Variants in CORO2A observed in about 807,000 individuals in gnomAD.
CORO2A encodes coronin-2A.
Under a neutral mutation model 62.4 loss-of-function variants are expected in CORO2A, and 47 were observed. The observed-to-expected ratio is 0.75, with a 90% CI of 0.60 to 0.96. The LOEUF (loss-of-function observed/expected upper bound fraction) is 0.96, where lower values mean the gene tolerates loss of function less well. Among genes scored for constraint, CORO2A ranks in the 40% least tolerant of loss-of-function variants. CORO2A has a pLI of 0.00. For missense variants in CORO2A, 610 were observed against 684.1 expected (o/e 0.89, Z 1.21); for synonymous variants, 273 against 268.9 (o/e 1.02, Z -0.15).
chr9:98,128,491 G>A (rs771228062), intron 9 of CORO2A, 116 bp downstream of exon 9: 14 of 932,088 alleles, frequency 1.5e-5, no homozygotes, highest in Admixed American at 4.0e-5. Context: ...GAGAAAGGCC[G>A]CTCTGTGGCT....
intron 1 of CORO2A, among the ~76,000 whole-genome samples, chr9:98,190,873 T>C (rs1489012922): frequency 6.6e-6 from 1 of 152,206 alleles, no homozygotes; most frequent in African/African-American, 2.4e-5. Context: ...GAGGGGATAA[T>C]AACACTCATT....
In CORO2A at chr9:98,129,850, T is replaced by C. The variant is rs960734738; in HGVS notation, c.911A>G (p.Lys304Arg). ...CTCAGTCAGGTAGCTCAGGTGAGGC[T>C]TGTCGGCGCTCACCTCGTAGTAGCG... ...NIRYYEVSAD[K>R]PHLSYLTEYR... Residue 304 changes from lysine to arginine, a missense_variant, in exon 8 of 12, where the codon AAG (lysine) becomes AGG (arginine). By Grantham distance (26) the Lys-to-Arg change is conservative. Transcript: ENST00000375077. 104 of 1,613,998 alleles carry C rather than the reference T, an allele frequency of 6.4e-5. No homozygotes were observed. Among genetic ancestry groups the C allele is most frequent in the Non-Finnish European group, 8.4e-5 (99 of 1,179,996 alleles).
chr9:98,129,768 C>T (rs1827378250), intron 8 of CORO2A, 26 bp downstream of exon 8: 1 of 1,559,816 alleles, frequency 6.4e-7, no homozygotes, highest in Non-Finnish European at 8.8e-7. Flanking sequence ...GGATTACAGG[C>T]ATGAACTTCA....
At chr9:98,190,666 T>A (rs1374058501) in intron 1 of CORO2A, among the ~76,000 whole-genome samples, 1 of 152,180 alleles carries the variant, frequency 6.6e-6, no homozygotes, top group Non-Finnish European at 1.5e-5. Flanking sequence ...TATTAGCAAT[T>A]AAAGTCATAG....
chr9:98,189,614 C>A (rs1407238061), intron 1 of CORO2A, among the ~76,000 whole-genome samples: 1 of 152,128 alleles, frequency 6.6e-6, no homozygotes, highest in Non-Finnish European at 1.5e-5. Context: ...GCTGAGTCTA[C>A]CCCCATTTCA....
Position 98,183,794 on chromosome 9 carries a change from T to C in CORO2A, c.-1+8765A>G, listed in dbSNP as rs180832580. On this transcript the variant is annotated intron_variant, in intron 1 of 11. Coordinates refer to ENST00000375077, the MANE Select transcript of CORO2A (RefSeq NM_052820.4). ...GGCCAACATAGCGAAACCCCATCTC[T>C]ACTAAAAATGTAAAAAATTAGCTGG... 2.0e-5 allele frequency among the ~76,000 whole-genome samples: 3 copies of C among 152,222 alleles called. No individual in the cohort carries two copies. In the East Asian group the frequency reaches 5.8e-4, roughly 29 times the overall value.
intron 1 of CORO2A, among the ~76,000 whole-genome samples, chr9:98,162,107 C>T (rs564090801): frequency 5.9e-5 from 9 of 152,348 alleles, no homozygotes; most frequent in African/African-American, 1.7e-4. Flanking sequence ...CTTGCTCCCC[C>T]GTTCAGATGT....
chr9:98,175,629 T>C (rs541423239), intron 1 of CORO2A, among the ~76,000 whole-genome samples: 36 of 152,198 alleles, frequency 2.4e-4, no homozygotes, highest in African/African-American at 7.9e-4. Context: ...TGAGGAAGAA[T>C]GGATGCAGAG....
intron 1 of CORO2A, among the ~76,000 whole-genome samples, chr9:98,170,448 T>A (rs1400761836): frequency 6.6e-6 from 1 of 152,166 alleles, no homozygotes; most frequent in Non-Finnish European, 1.5e-5. Context: ...CTTTTATTGT[T>A]GTTGTTTTTT....
In CORO2A at chr9:98,124,651, T is replaced by C; in HGVS notation, c.*123A>G. On this transcript the variant is annotated 3_prime_UTR_variant, in exon 12 of 12. Coordinates refer to ENST00000375077, the MANE Select transcript of CORO2A (RefSeq NM_052820.4). ...TGGAATCTCTTTCAGCGATGGAGAGTTTTGTTTTCTGGTAAAAAATATAGA... is the reference window on the plus strand; with the variant it reads ...TGGAATCTCTTTCAGCGATGGAGAGCTTTGTTTTCTGGTAAAAAATATAGA... 9.6e-7 allele frequency: 1 copy of C among 1,042,346 alleles called. No individual in the cohort carries two copies. The allele number at this position is 1,042,346 out of a possible 1,614,324, so 64.6% of individuals were successfully genotyped here.
At chr9:98,154,331 A>G (rs7038290) in intron 2 of CORO2A, among the ~76,000 whole-genome samples, 11,070 of 71,992 alleles carry the variant, frequency 0.15, 692 homozygotes, top group East Asian at 0.29. Context: ...GTTTGTGTGT[A>G]TATATATATA....
rs777157125 is a variant in CORO2A, at chr9:98,134,845, C to T, written c.429G>A (p.Thr143=). 3.2e-5 allele frequency: 51 copies of T among 1,613,828 alleles called. 1 individual carries two copies. The South Asian group carries it at 3.3e-4, about 10-fold the overall frequency. Residue 143 remains threonine (T), a synonymous_variant, in exon 4 of 12, where the codon ACG becomes ACA. Coordinates refer to ENST00000375077, the MANE Select transcript of CORO2A (RefSeq NM_052820.4). ...RRVGLVEWHP[T]AANILFSAGY... ...CAGCACTGAAGAGGATGTTGGCGGC[C>T]GTGGGGTGCCACTCCACCAGGCCTA...
At chr9:98,145,335 G>T (rs1827628799) in intron 2 of CORO2A, among the ~76,000 whole-genome samples, 1 of 152,164 alleles carries the variant, frequency 6.6e-6, no homozygotes, top group Admixed American at 6.5e-5. Context: ...TCTGGTCCTG[G>T]CGTTGTCCTT....
chr9:98,189,310 T>C (rs1371990553), intron 1 of CORO2A, among the ~76,000 whole-genome samples: 1 of 152,224 alleles, frequency 6.6e-6, no homozygotes, highest in Non-Finnish European at 1.5e-5. Flanking sequence ...CAATCTGTTC[T>C]GAAGGAGGCA....
chr9:98,125,709 A>ACT (rs1827306738), intron 11 of CORO2A, among the ~76,000 whole-genome samples: 1 of 89,586 alleles, frequency 1.1e-5, no homozygotes, highest in Admixed American at 1.2e-4. Flanking sequence ...GTTTCCCACC[A>ACT]TTTTTTTTTT....
intron 2 of CORO2A, among the ~76,000 whole-genome samples, chr9:98,149,822 A>G (rs1208997829): frequency 2.0e-5 from 3 of 152,326 alleles, no homozygotes; most frequent in Non-Finnish European, 4.4e-5. Flanking sequence ...CTGTGATGAT[A>G]GCAATTAACA....
In CORO2A at chr9:98,157,563, C is replaced by A; in HGVS notation, c.98G>T (p.Arg33Leu). The A allele has an allele frequency of 6.2e-7, 1 of 1,614,148 alleles. No individual in the cohort carries two copies. Among genetic ancestry groups the A allele is most frequent in the Non-Finnish European group, 8.5e-7 (1 of 1,180,030 alleles). The change falls in exon 2 of 12, where the codon CGC (arginine) becomes CTC (leucine). Residue 33 changes from arginine to leucine, a missense_variant. Transcript: ENST00000375077. ...ACAGAAGTGGTTGTCGTGAACGCTG[C>A]GGGTGATAGGCACGGAGTCGTAGCA... ...ENCYDSVPITRSVHDNHFCAV... is the reference protein window; with the variant it reads ...ENCYDSVPITLSVHDNHFCAV...
At chr9:98,186,467 A>G (rs1196775408) in intron 1 of CORO2A, among the ~76,000 whole-genome samples, 1 of 152,210 alleles carries the variant, frequency 6.6e-6, no homozygotes, top group African/African-American at 2.4e-5. Context: ...GTTGTCATCT[A>G]TAAAATGGGA....
Position 98,122,662 on chromosome 9 carries a change from T to C in CORO2A, c.*2112A>G, listed in dbSNP as rs1587987248. ...GGTACTACTTCTTTACCTCGTATAG[T>C]CATTTCAGAAGACCTCCTGGTTAGG... On this transcript the variant is annotated 3_prime_UTR_variant, in exon 12 of 12. Transcript: ENST00000375077. 6.6e-6 allele frequency: 1 copy of C among 152,196 alleles called. No individual in the cohort carries two copies. Among genetic ancestry groups the C allele is most frequent in the South Asian group, 2.1e-4 (1 of 4,832 alleles). The allele number at this position is 152,196 out of a possible 1,614,324, so 9.4% of individuals were successfully genotyped here.
Sources: gnomAD v4.1 joint callset for allele counts (sites outside exome capture counted in the v4.1 genomes callset) on GRCh38, gnomAD v4.1.1 for gene constraint, MANE v1.5 for transcripts, NCBI Gene and HGNC (gene_info 2026-07-23, HGNC 2026-07-21) for gene names.